The following CNOT2 variants were observed in gnomAD, a reference collection of about 807,000 sequenced individuals.
CNOT2 encodes the protein CCR4-NOT transcription complex subunit 2.
In CNOT2, 7 loss-of-function variants were observed where a neutral mutation model predicts 72.1. That is an observed-to-expected ratio of 0.10 (90% confidence interval 0.06 to 0.18). The LOEUF is 0.18. Among genes scored for constraint, CNOT2 ranks in the 10% least tolerant of loss-of-function variants. CNOT2 has a pLI of 1.00. For synonymous variants in CNOT2, 196 were observed against 225.6 expected (o/e 0.87, Z 1.17); for missense variants, 345 against 660.3 (o/e 0.52, Z 5.23).
intron 8 of CNOT2, 107 bp downstream of exon 8, chr12:70,335,670 G>A (rs1880581273): frequency 1.3e-6 from 1 of 766,462 alleles, no homozygotes; most frequent in Non-Finnish European, 2.1e-6. Flanking sequence ...ACACATGTAT[G>A]TTTGCATTTT....
At chr12:70,259,144 A>G (rs970074969) in intron 1 of CNOT2, among the ~76,000 whole-genome samples, 8 of 152,202 alleles carry the variant, frequency 5.3e-5, no homozygotes, top group South Asian at 2.1e-4. Flanking sequence ...TCAAGGTCAC[A>G]TAAGCTAGCC....
intron 4 of CNOT2, among the ~76,000 whole-genome samples, chr12:70,327,350 AG>A (rs1289634472): frequency 6.6e-6 from 1 of 151,936 alleles, no homozygotes; most frequent in East Asian, 1.9e-4. Context: ...AAAAGAAAGC[AG>A]GGGGAAAATA....
Position 70,338,648 on chromosome 12 carries a change from T to C in CNOT2, c.1022-18T>C. ...ACTTTTTCTTGAAAATAAAAGCAAC[T>C]GTGTTTTTCCTACCCAGGTCGGGTT... is the stretch of plus-strand genomic sequence containing the variant. On this transcript the variant is annotated intron_variant, in intron 10 of 15. Transcript: ENST00000229195. 2 of 1,600,284 alleles carry C rather than the reference T, an allele frequency of 1.2e-6. No homozygotes were observed. The highest frequency in any genetic ancestry group is 1.1e-5 in the South Asian group (1 of 88,712).
chr12:70,281,947 A>G (rs1355330424), intron 2 of CNOT2, among the ~76,000 whole-genome samples: 1 of 132,572 alleles, frequency 7.5e-6, no homozygotes, highest in South Asian at 2.3e-4. Context: ...ACTGTATTGA[A>G]CAGTGTAGAT....
chr12:70,312,872 A>T (rs1207042469), intron 3 of CNOT2, among the ~76,000 whole-genome samples: 1 of 152,004 alleles, frequency 6.6e-6, no homozygotes, highest in African/African-American at 2.4e-5. Flanking sequence ...ACAAATTTTT[A>T]AAAATACACT....
At chr12:70,306,767 TTTTAAACTACAGCCATAG>T (rs554074465) in intron 2 of CNOT2, among the ~76,000 whole-genome samples, 81 of 152,352 alleles carry the variant, frequency 5.3e-4, no homozygotes, top group African/African-American at 1.8e-3. Flanking sequence ...TCTGATTTAA[TTTTAAACTACAGCCATAG>T]TTTAAACTAC....
At chr12:70,274,778 G>A (rs186062561) in intron 1 of CNOT2, among the ~76,000 whole-genome samples, 26 of 152,110 alleles carry the variant, frequency 1.7e-4, no homozygotes, top group African/African-American at 6.0e-4. Flanking sequence ...ATTGTTCAAC[G>A]TGTGGCCTTT....
At chr12:70,281,406 C>T (rs866019432) in intron 2 of CNOT2, among the ~76,000 whole-genome samples, 13 of 152,192 alleles carry the variant, frequency 8.5e-5, no homozygotes, top group Admixed American at 4.6e-4. Flanking sequence ...TGTTACATAA[C>T]ATATTCAAGC....
chr12:70,320,564 A>G (rs1249026874), intron 4 of CNOT2, among the ~76,000 whole-genome samples: 1 of 151,782 alleles, frequency 6.6e-6, no homozygotes, highest in Non-Finnish European at 1.5e-5. Flanking sequence ...TTGTTTATCT[A>G]CAAATATTTA....
intron 1 of CNOT2, among the ~76,000 whole-genome samples, chr12:70,248,032 A>G (rs1411098718): frequency 6.6e-6 from 1 of 152,214 alleles, no homozygotes; most frequent in Non-Finnish European, 1.5e-5. Context: ...AGAGTGATTA[A>G]TACCCTGTTT....
intron 2 of CNOT2, among the ~76,000 whole-genome samples, chr12:70,300,877 G>A: frequency 6.6e-6 from 1 of 152,142 alleles, no homozygotes; most frequent in East Asian, 1.9e-4. Flanking sequence ...CCATTTGTTT[G>A]TATCCTCTTT....
chr12:70,264,918 A>G (rs1175798212), intron 1 of CNOT2, among the ~76,000 whole-genome samples: 1 of 152,166 alleles, frequency 6.6e-6, no homozygotes, highest in Non-Finnish European at 1.5e-5. Context: ...CTTTTCAAGC[A>G]GTTTTCTCCA....
At chr12:70,289,648 C>A (rs918714378) in intron 2 of CNOT2, among the ~76,000 whole-genome samples, 7 of 151,890 alleles carry the variant, frequency 4.6e-5, no homozygotes, top group Non-Finnish European at 1.0e-4. Flanking sequence ...TCTCACCATG[C>A]TTTAGTTAGG....
intron 2 of CNOT2, among the ~76,000 whole-genome samples, chr12:70,282,508 G>T (rs1017236531): frequency 6.6e-6 from 1 of 151,962 alleles, no homozygotes; most frequent in Non-Finnish European, 1.5e-5. Flanking sequence ...AGAAAAATAC[G>T]GAATATAAAA....
intron 2 of CNOT2, among the ~76,000 whole-genome samples, chr12:70,281,141 GA>G (rs1398638780): frequency 6.7e-6 from 1 of 149,884 alleles, no homozygotes; most frequent in African/African-American, 2.5e-5. Flanking sequence ...ACCCAGGCTG[GA>G]GTGCAGTGGT....
At chr12:70,248,960 A>T (rs1281924093) in intron 1 of CNOT2, among the ~76,000 whole-genome samples, 1 of 152,082 alleles carries the variant, frequency 6.6e-6, no homozygotes, top group African/African-American at 2.4e-5. Flanking sequence ...GTGAGGGAAA[A>T]TTATGTATCC....
At chr12:70,255,168 A>G (rs1421203238) in intron 1 of CNOT2, among the ~76,000 whole-genome samples, 3 of 151,828 alleles carry the variant, frequency 2.0e-5, no homozygotes, top group African/African-American at 7.3e-5. Flanking sequence ...TATAGCAGGA[A>G]ATTTACTTCA....
chr12:70,302,787 C>T (rs1295038915), intron 2 of CNOT2, among the ~76,000 whole-genome samples: 72 of 151,258 alleles, frequency 4.8e-4, no homozygotes, highest in Non-Finnish European at 3.6e-4. Flanking sequence ...CTTTCTGTCT[C>T]GTTGATCTGT....
At position 70,322,346 on chromosome 12, in the gene CNOT2, T is replaced by C. The variant is rs537813448; in HGVS notation, c.238+2982T>C. On this transcript the variant is annotated intron_variant, in intron 4 of 15. Coordinates refer to ENST00000229195, the MANE Select transcript of CNOT2 (RefSeq NM_014515.7). ...TCAAGACCCATGAGCTCCCTTAAGCTGTCTCCTAGATTAGAATCAACAGGG... is the reference window on the plus strand; with the variant it reads ...TCAAGACCCATGAGCTCCCTTAAGCCGTCTCCTAGATTAGAATCAACAGGG... 3.6e-4 allele frequency: 55 copies of C among 151,924 alleles called. 1 individual carries two copies. Among genetic ancestry groups the C allele is most frequent in the African/African-American group, 1.3e-3 (53 of 41,518 alleles). 9.4% of individuals were successfully genotyped at this position (151,924 alleles called of 1,614,324 possible).
Sources: allele counts gnomAD v4.1 joint callset (sites outside exome capture counted in the v4.1 genomes callset), GRCh38; gene constraint gnomAD v4.1.1; transcripts MANE v1.5; gene names NCBI Gene and HGNC (gene_info 2026-07-23, HGNC 2026-07-21).